The following ARHGEF10L variants were observed in gnomAD, a reference collection of about 807,000 sequenced individuals.
ARHGEF10L encodes Rho guanine nucleotide exchange factor 10 like.
A neutral mutation model predicts 141.2 loss-of-function variants in ARHGEF10L; 69 were observed. The observed-to-expected ratio is 0.49, with a 90% confidence interval of 0.40 to 0.60. ARHGEF10L has a LOEUF of 0.60. Among genes scored for constraint, ARHGEF10L ranks in the 20% least tolerant of loss-of-function variants. The pLI, the probability that ARHGEF10L is intolerant of heterozygous loss-of-function variation, is 0.00. For missense variants in ARHGEF10L, 1,482 were observed against 1,734.3 expected, an observed-to-expected ratio of 0.85 and a Z score of 2.58; for synonymous variants, 711 against 718.5, an observed-to-expected ratio of 0.99 and a Z score of 0.17.
Position 17,551,353 on chromosome 1 carries a change from C to T in ARHGEF10L, c.-44+11403C>T, listed in dbSNP as rs2077104913. On this transcript the variant is annotated intron_variant, in intron 1 of 28. Transcript: ENST00000361221. Reference sequence around the variant, plus strand: ...GTGCCTGATGCAGGTGGAGGGACTCCGAGGAGGCTTCCCAGGGGAGTGTCC... The same window carrying T: ...GTGCCTGATGCAGGTGGAGGGACTCTGAGGAGGCTTCCCAGGGGAGTGTCC... Among the ~76,000 whole-genome samples, 2 of 151,192 alleles carry T rather than the reference C, an allele frequency of 1.3e-5. 1 individual carries two copies. Among genetic ancestry groups the T allele is most frequent in the African/African-American group, 4.9e-5 (2 of 41,102 alleles).
At chr1:17,579,320 C>T (rs1033365830) in intron 1 of ARHGEF10L, among the ~76,000 whole-genome samples, 3 of 152,050 alleles carry the variant, frequency 2.0e-5, no homozygotes, top group South Asian at 2.1e-4. Flanking sequence ...GTGCCCGGCT[C>T]GGAGACTAAC....
Position 17,627,154 on chromosome 1 carries a change from A to G in ARHGEF10L, c.1411-176A>G, listed in dbSNP as rs1424890932. ...GATCCATGCTTTTGTTTTCTTTTTC[A>G]TGCATTAGCTGTTTCTTGAGGTCTT... On this transcript the variant is annotated intron_variant, in intron 14 of 28. Transcript: ENST00000361221. This position sits in a 1 kb window ranked among gnomAD's most constrained non-coding sequence, Gnocchi z 4.0. Among the ~76,000 whole-genome samples, 1 of 152,148 alleles carries G rather than the reference A, an allele frequency of 6.6e-6. No individual in the cohort carries two copies. Among genetic ancestry groups the G allele is most frequent in the African/African-American group, 2.4e-5 (1 of 41,412 alleles).
rs1553191137 is a variant in ARHGEF10L at position 17,607,180 on chromosome 1, C to CGTGTGGTGGCTCGGCTGG, written c.434-609_434-592dup. Among the ~76,000 whole-genome samples the CGTGTGGTGGCTCGGCTGG allele has an allele frequency of 2.6e-5, 4 of 152,200 alleles. No individual in the cohort carries two copies. The highest frequency in any genetic ancestry group is 5.9e-5 in the Non-Finnish European group (4 of 68,038). ...CTCTTTTCCAGTAAGAAACAGGCCA[C>CGTGTGGTGGCTCGGCTGG]GTGTGGTGGCTCGGCTGGGTGTGGT... On this transcript the variant is annotated intron_variant, in intron 6 of 28. Transcript: ENST00000361221. The surrounding 1 kb of genome is among the most constrained non-coding windows in gnomAD (Gnocchi z 4.5).
chr1:17,637,227 A>G (rs910390418), intron 18 of ARHGEF10L, among the ~76,000 whole-genome samples: 1 of 152,124 alleles, frequency 6.6e-6, no homozygotes, highest in African/African-American at 2.4e-5. Context: ...TCTTTGAACA[A>G]CTTGCTGTTC....
chr1:17,535,403 G>A (rs1266910357), upstream of ARHGEF10L, among the ~76,000 whole-genome samples: 1 of 152,226 alleles, frequency 6.6e-6, no homozygotes, highest in Admixed American at 6.5e-5. Context: ...CCACAGCCTG[G>A]TTCTGATCCA....
Position 17,602,200 on chromosome 1 carries a change from CGG to C in ARHGEF10L, c.332_333del (p.Arg111GlnfsTer7). 6.3e-7 allele frequency: 1 copy of C among 1,575,884 alleles called. No homozygotes were observed. The highest frequency in any genetic ancestry group is 8.6e-7 in the Non-Finnish European group (1 of 1,160,568). On this transcript the variant is annotated frameshift_variant, in exon 5 of 29. Transcript: ENST00000361221. LOFTEE classifies it high-confidence loss of function. ...FSGARHSSWK[R>X]KSSRRIDRFT... ...CGGGGCCCGGCACTCCAGCTGGAAG[CGG>C]AAGAGTTCCCGTCGCAGTAAGTCTC...
chr1:17,572,474 C>G (rs181133995), intron 1 of ARHGEF10L, among the ~76,000 whole-genome samples: 145 of 152,284 alleles, frequency 9.5e-4, no homozygotes, highest in Middle Eastern at 3.4e-3. Context: ...TCTTCCTCAT[C>G]TGAACTGGAG....
At position 17,697,736 on chromosome 1, in the gene ARHGEF10L, G is replaced by A. The variant is rs1204478043; in HGVS notation, c.*356G>A. 4.0e-6 allele frequency: 2 copies of A among 494,862 alleles called. No homozygotes were observed. Among genetic ancestry groups the A allele is most frequent in the Non-Finnish European group, 7.9e-6 (2 of 254,012 alleles). 30.7% of individuals were successfully genotyped at this position (494,862 alleles called of 1,614,324 possible). On this transcript the variant is annotated 3_prime_UTR_variant, in exon 29 of 29. Coordinates refer to ENST00000361221, the MANE Select transcript of ARHGEF10L (RefSeq NM_018125.4). This position sits in a 1 kb window ranked among gnomAD's most constrained non-coding sequence, Gnocchi z 4.8. ...TGGAAGGGTGTGTGCGTGTGAGTGT[G>A]TGCGAGTGTGTGGGCTGGTGTGTGA...
chr1:17,583,990 T>G (rs942006787), intron 2 of ARHGEF10L, among the ~76,000 whole-genome samples: 50 of 152,180 alleles, frequency 3.3e-4, no homozygotes, highest in African/African-American at 1.0e-3. Flanking sequence ...TAGCTGAGAC[T>G]GCCGGCACAT....
In ARHGEF10L at chr1:17,602,177, G is replaced by C. The variant is rs116646138; in HGVS notation, c.308G>C (p.Gly103Ala). The C allele has an allele frequency of 1.3e-3, 2,105 of 1,582,956 alleles. 2 individuals carry two copies. Among genetic ancestry groups the C allele is most frequent in the Non-Finnish European group, 1.7e-3 (1,950 of 1,164,546 alleles). Residue 103 changes from glycine (G) to alanine (A), a missense_variant, in exon 5 of 29, where the codon GGG (glycine) becomes GCG (alanine). Physicochemically the swap from Gly to Ala is moderately conservative, Grantham distance 60. Coordinates refer to ENST00000361221, the MANE Select transcript of ARHGEF10L (RefSeq NM_018125.4). ...NGDAADAAFS[G>A]ARHSSWKRKS... ...GATGCAGCGGACGCAGCCTTCTCCG[G>C]GGCCCGGCACTCCAGCTGGAAGCGG...
At chr1:17,580,366 T>C (rs1388735186) in intron 1 of ARHGEF10L, among the ~76,000 whole-genome samples, 187 bp from the exon 2 acceptor site, 1 of 152,194 alleles carries the variant, frequency 6.6e-6, no homozygotes, top group African/African-American at 2.4e-5. Context: ...GGATTTGGGC[T>C]GCACAGCTGC....
intron 27 of ARHGEF10L, chr1:17,694,925 T>C (rs1452182321): frequency 1.4e-6 from 1 of 689,798 alleles, no homozygotes. Flanking sequence ...GCAGCCCCAC[T>C]TTACACAGGC....
Position 17,616,173 on chromosome 1 carries a change from T to G in ARHGEF10L, c.806T>G (p.Val269Gly). Residue 269 changes from valine (V) to glycine (G), a missense_variant, in exon 9 of 29, where the codon GTC becomes GGC. Transcript: ENST00000361221. ...ACACGGATGGCCGTGATGCGCAAAG[T>G]CTCCTTCCTGCACAGGAAGGACGTC... ...EKTRMAVMRK[V>G]SFLHRKDVLG... is the part of the protein sequence containing the mutation. 6.2e-7 allele frequency: 1 copy of G among 1,612,542 alleles called. No individual in the cohort carries two copies. Among genetic ancestry groups the G allele is most frequent in the Non-Finnish European group, 8.5e-7 (1 of 1,179,596 alleles).
Position 17,632,431 on chromosome 1 carries a change from C to G in ARHGEF10L, c.1695C>G (p.Leu565=), listed in dbSNP as rs116425261. Residue 565 remains leucine (L), a synonymous_variant, in exon 16 of 29, where the codon CTC becomes CTG. Coordinates refer to ENST00000361221, the MANE Select transcript of ARHGEF10L (RefSeq NM_018125.4). ...IKSKERRVFL[L]NDMLVCANIN... ...CCAAGGAGCGTCGGGTCTTCCTGCT[C>G]AACGACATGCTTGTCTGTGCCAACA... 1 of 1,614,160 alleles carries G rather than the reference C, an allele frequency of 6.2e-7. No homozygotes were observed. The highest frequency in any genetic ancestry group is 1.3e-5 in the African/African-American group (1 of 75,044).
intron 15 of ARHGEF10L, among the ~76,000 whole-genome samples, chr1:17,630,151 T>C (rs2060598479): frequency 6.6e-6 from 1 of 152,176 alleles, no homozygotes; most frequent in African/African-American, 2.4e-5. Flanking sequence ...CCTGGCCAGT[T>C]CTGTGACCTG....
chr1:17,592,471 G>A (rs1254852046), intron 4 of ARHGEF10L, among the ~76,000 whole-genome samples: 2 of 152,126 alleles, frequency 1.3e-5, no homozygotes, highest in Non-Finnish European at 2.9e-5. Flanking sequence ...AAGTGATGGG[G>A]CAGCCGTATT....
intron 26 of ARHGEF10L, among the ~76,000 whole-genome samples, chr1:17,682,621 C>T (rs1048867050): frequency 6.6e-6 from 1 of 152,148 alleles, no homozygotes; most frequent in African/African-American, 2.4e-5. Context: ...CAGACGGCTG[C>T]TCTAGTGTAT....
chr1:17,588,806 C>T (rs2079253345), intron 4 of ARHGEF10L, among the ~76,000 whole-genome samples: 1 of 144,566 alleles, frequency 6.9e-6, no homozygotes. Flanking sequence ...AGCACCCCCT[C>T]TGTTGGGTTT....
chr1:17,695,812 CTG>C (rs2065455165), intron 28 of ARHGEF10L, among the ~76,000 whole-genome samples: 1 of 152,066 alleles, frequency 6.6e-6, no homozygotes, highest in African/African-American at 2.4e-5. Context: ...AGAATGATGA[CTG>C]TGGTCTTTTC....
Sources: allele counts gnomAD v4.1 joint callset (sites outside exome capture counted in the v4.1 genomes callset), GRCh38; gene constraint gnomAD v4.1.1; non-coding constraint Gnocchi (gnomAD v3.1); transcripts MANE v1.5; gene names NCBI Gene and HGNC (gene_info 2026-07-23, HGNC 2026-07-21).